VRK2: variants seen among roughly 807,000 people sequenced by gnomAD.
VRK2 encodes serine/threonine-protein kinase VRK2.
VRK2 carries 60 observed loss-of-function variants against 57.6 expected under a neutral mutation model. The ratio of observed to expected loss-of-function variants is 1.04; its 90% confidence interval spans 0.85 to 1.29. VRK2 has a LOEUF of 1.29. Among genes scored for constraint, VRK2 ranks in the 50% most tolerant of loss-of-function variants. VRK2 has a pLI of 0.00. For missense variants in VRK2, 705 were observed against 588.1 expected (o/e 1.20, Z -2.06); for synonymous variants, 231 against 199.2 (o/e 1.16, Z -1.35).
intron 7 of VRK2, among the ~76,000 whole-genome samples, chr2:58,113,919 C>A (rs536434028): frequency 6.6e-6 from 1 of 151,894 alleles, no homozygotes; most frequent in African/African-American, 2.4e-5. Flanking sequence ...AGTGTTGGGG[C>A]GGCGAAAATT....
intron 2 of VRK2, among the ~76,000 whole-genome samples, chr2:58,053,132 A>G (rs567926535): frequency 6.6e-6 from 1 of 152,324 alleles, no homozygotes; most frequent in Non-Finnish European, 1.5e-5. Flanking sequence ...CCATAATTAT[A>G]GATGTCACTC....
intron 3 of VRK2, among the ~76,000 whole-genome samples, chr2:58,035,372 C>T (rs918766879): frequency 2.0e-5 from 3 of 151,888 alleles, no homozygotes; most frequent in Admixed American, 6.6e-5. Context: ...CTCTCTGTTT[C>T]GCCTTTTATC....
Position 58,123,166 on chromosome 2 carries a change from G to C in VRK2, c.609G>C (p.Gln203His). ...CCAATGGGAACCACAAACAGTATCA[G>C]GAAAATCCTAGAAAAGGCCATAATG... is the stretch of plus-strand genomic sequence containing the variant. ...YCPNGNHKQYQENPRKGHNGT... is the reference protein window; with the variant it reads ...YCPNGNHKQYHENPRKGHNGT... The change falls in exon 8 of 13, where the codon CAG (glutamine) becomes CAC (histidine). Residue 203 changes from glutamine (Q) to histidine (H), a missense_variant. Coordinates refer to ENST00000340157, the MANE Select transcript of VRK2 (RefSeq NM_006296.7). 2 of 1,595,820 alleles carry C rather than the reference G, an allele frequency of 1.3e-6. No homozygotes were observed. Among genetic ancestry groups the C allele is most frequent in the South Asian group, 2.3e-5 (2 of 87,164 alleles).
At chr2:57,931,044 A>G (rs1670707033) in intron 1 of VRK2, among the ~76,000 whole-genome samples, 1 of 152,118 alleles carries the variant, frequency 6.6e-6, no homozygotes, top group Admixed American at 6.6e-5. Flanking sequence ...CCACTCATCC[A>G]TCAAGGGACA....
At position 58,047,450 on chromosome 2, in the gene VRK2, C is replaced by G. The variant is rs956651013; in HGVS notation, c.-6+582C>G. On this transcript the variant is annotated intron_variant, in intron 1 of 12. Transcript: ENST00000340157. ...GCTGTCGTTTCCCTTGGCAGATGAACTCGGGACTCGCCCCCAGGATGTACA... is the reference window on the plus strand; with the variant it reads ...GCTGTCGTTTCCCTTGGCAGATGAAGTCGGGACTCGCCCCCAGGATGTACA... 1.5e-5 allele frequency: 15 copies of G among 985,308 alleles called. No individual in the cohort carries two copies. In the African/African-American group the frequency reaches 2.1e-4, roughly 14 times the overall value. The allele number at this position is 985,308 out of a possible 1,614,324, so 61.0% of individuals were successfully genotyped here. A position where few individuals can be genotyped will look rare whatever the true frequency, so the allele number is the denominator to read the frequency against.
At chr2:58,075,122 C>T (rs550834702) in intron 2 of VRK2, among the ~76,000 whole-genome samples, 16 of 152,126 alleles carry the variant, frequency 1.1e-4, no homozygotes, top group African/African-American at 3.6e-4. Flanking sequence ...TTTCCTTCTG[C>T]TTATAAGTGA....
chr2:58,071,673 C>G (rs145842428), intron 2 of VRK2, among the ~76,000 whole-genome samples: 162 of 151,928 alleles, frequency 1.1e-3, no homozygotes, highest in African/African-American at 3.7e-3. Flanking sequence ...TTTTGCAGTA[C>G]CACATTTTCT....
At chr2:58,123,002 G>C in intron 7 of VRK2, 99 bp from the exon 8 acceptor site, 1 of 1,425,170 alleles carries the variant, frequency 7.0e-7, no homozygotes, top group African/African-American at 1.5e-5. Context: ...ATGTAGATCT[G>C]AGGCTGTTCT....
intron 3 of VRK2, among the ~76,000 whole-genome samples, chr2:58,034,162 G>A (rs971294694): frequency 6.6e-6 from 1 of 151,778 alleles, no homozygotes; most frequent in Non-Finnish European, 1.5e-5. Flanking sequence ...AGGAAGAGTG[G>A]GTTGCTCATT....
chr2:57,926,539 TAGAG>T (rs1391341789), intron 1 of VRK2, among the ~76,000 whole-genome samples: 7 of 150,566 alleles, frequency 4.6e-5, no homozygotes, highest in South Asian at 4.2e-4. Context: ...TGTATATATA[TAGAG>T]AGAGAGAATT....
chr2:57,921,360 A>G (rs1670342881), intron 1 of VRK2, among the ~76,000 whole-genome samples: 1 of 151,750 alleles, frequency 6.6e-6, no homozygotes, highest in Non-Finnish European at 1.5e-5. Flanking sequence ...TTGCCTCACC[A>G]AACAGTTGAT....
At chr2:57,909,084 G>C (rs1301791367) in intron 1 of VRK2, among the ~76,000 whole-genome samples, 1 of 152,136 alleles carries the variant, frequency 6.6e-6, no homozygotes, top group East Asian at 1.9e-4. Context: ...CCTCCCCTTT[G>C]CATTCCCTCA....
At chr2:58,066,503 G>A (rs1298151746) in intron 2 of VRK2, among the ~76,000 whole-genome samples, 1 of 152,060 alleles carries the variant, frequency 6.6e-6, no homozygotes, top group Non-Finnish European at 1.5e-5. Context: ...TGTTAAGGAG[G>A]ACTATTAGTG....
intron 7 of VRK2, among the ~76,000 whole-genome samples, chr2:58,100,176 T>A (rs936203393): frequency 1.3e-4 from 19 of 151,982 alleles, no homozygotes; most frequent in African/African-American, 4.3e-4. Context: ...CTGAAGGGAA[T>A]TCTAACACAA....
At chr2:58,012,518 C>A (rs751796899) in intron 1 of VRK2, among the ~76,000 whole-genome samples, 3 of 152,204 alleles carry the variant, frequency 2.0e-5, no homozygotes, top group Non-Finnish European at 4.4e-5. Flanking sequence ...AAATCACTGT[C>A]ATTGGCAATT....
chr2:57,975,994 C>A (rs1476981674), intron 1 of VRK2, among the ~76,000 whole-genome samples: 4 of 152,050 alleles, frequency 2.6e-5, no homozygotes, highest in African/African-American at 9.7e-5. Context: ...TTAGCTCCCA[C>A]TTATAAGTGA....
At chr2:58,157,884 T>C (rs1379939059) in intron 12 of VRK2, among the ~76,000 whole-genome samples, 2 of 152,198 alleles carry the variant, frequency 1.3e-5, no homozygotes, top group Non-Finnish European at 2.9e-5. Context: ...GTGGCTCTGT[T>C]CCAATAAAAC....
chr2:58,024,403 G>T (rs544437621), intron 1 of VRK2, among the ~76,000 whole-genome samples: 5 of 151,864 alleles, frequency 3.3e-5, no homozygotes, highest in South Asian at 2.1e-4. Flanking sequence ...AAGTTTTTTT[G>T]GGGGGGTGCT....
chr2:58,057,227 G>A (rs1558575879), intron 2 of VRK2, among the ~76,000 whole-genome samples: 1 of 152,090 alleles, frequency 6.6e-6, no homozygotes, highest in Non-Finnish European at 1.5e-5. Context: ...CAATAAATAG[G>A]TTGTATGAGA....
Sources: allele counts gnomAD v4.1 joint callset (sites outside exome capture counted in the v4.1 genomes callset), GRCh38; gene constraint gnomAD v4.1.1; transcripts MANE v1.5; gene names NCBI Gene and HGNC (gene_info 2026-07-23, HGNC 2026-07-21).